DENND1A: variants seen among roughly 807,000 people sequenced by gnomAD.
The protein encoded by DENND1A is DENN domain containing 1A.
A neutral mutation model predicts 113.7 loss-of-function variants in DENND1A; 51 were observed. The observed-to-expected ratio is 0.45, with a 90% CI of 0.36 to 0.57. DENND1A has a LOEUF of 0.57. Among genes scored for constraint, DENND1A ranks in the 20% least tolerant of loss-of-function variants. DENND1A has a pLI of 0.00. For missense variants in DENND1A, 1,258 were observed against 1,395.9 expected (o/e 0.90, Z 1.57); for synonymous variants, 565 against 570.8 (o/e 0.99, Z 0.14).
At chr9:123,824,140 A>G (rs1210092945) in intron 2 of DENND1A, among the ~76,000 whole-genome samples, 1 of 152,224 alleles carries the variant, frequency 6.6e-6, no homozygotes, top group Non-Finnish European at 1.5e-5. Flanking sequence ...CTGAACATCT[A>G]CAATGTGCTA....
intron 2 of DENND1A, among the ~76,000 whole-genome samples, chr9:123,807,494 T>A (rs535108324): frequency 6.6e-6 from 1 of 152,160 alleles, no homozygotes; most frequent in Non-Finnish European, 1.5e-5. Context: ...AATTCTTTCA[T>A]TTAAGTACTT....
At chr9:123,779,157 T>G (rs1830881199) in intron 3 of DENND1A, among the ~76,000 whole-genome samples, 1 of 151,996 alleles carries the variant, frequency 6.6e-6, no homozygotes, top group Admixed American at 6.5e-5. Context: ...ATTTGGGGTT[T>G]GTTTGGCTTA....
intron 1 of DENND1A, among the ~76,000 whole-genome samples, chr9:123,884,897 C>G (rs1473867732): frequency 6.6e-6 from 1 of 152,062 alleles, no homozygotes; most frequent in East Asian, 1.9e-4. Flanking sequence ...AACAGTCTTT[C>G]CAGGCTTTTT....
intron 13 of DENND1A, among the ~76,000 whole-genome samples, chr9:123,485,272 T>C (rs1478428815): frequency 6.6e-6 from 1 of 152,230 alleles, no homozygotes; most frequent in Non-Finnish European, 1.5e-5. Context: ...AGCTCCGCAC[T>C]ATCACTAGGT....
intron 20 of DENND1A, among the ~76,000 whole-genome samples, chr9:123,411,038 C>T (rs1238570966): frequency 6.6e-6 from 1 of 152,062 alleles, no homozygotes; most frequent in African/African-American, 2.4e-5. Flanking sequence ...ACCCCATTCC[C>T]AGGTGGTGGT....
At chr9:123,473,845 A>G (rs1783297575) in intron 13 of DENND1A, among the ~76,000 whole-genome samples, 1 of 152,084 alleles carries the variant, frequency 6.6e-6, no homozygotes, top group African/African-American at 2.4e-5. Context: ...CAGGCCTTGG[A>G]GCAACACTGC....
At chr9:123,867,070 A>G (rs928548657) in intron 2 of DENND1A, among the ~76,000 whole-genome samples, 7 of 152,226 alleles carry the variant, frequency 4.6e-5, no homozygotes, top group Non-Finnish European at 1.0e-4. Flanking sequence ...GCAACTTATT[A>G]AAGTCTTCTG....
chr9:123,733,421 A>C (rs2068327525), intron 5 of DENND1A, among the ~76,000 whole-genome samples: 1 of 152,084 alleles, frequency 6.6e-6, no homozygotes, highest in Non-Finnish European at 1.5e-5. Context: ...TTGGGACTAC[A>C]GGTATGTGCC....
chr9:123,745,609 A>G (rs1181807914), intron 5 of DENND1A, among the ~76,000 whole-genome samples: 3 of 152,258 alleles, frequency 2.0e-5, no homozygotes, highest in Admixed American at 2.0e-4. Flanking sequence ...TACATGTCCT[A>G]TGACACAACT....
intron 4 of DENND1A, among the ~76,000 whole-genome samples, chr9:123,767,180 A>C (rs1259211962): frequency 6.6e-6 from 1 of 152,192 alleles, no homozygotes; most frequent in Non-Finnish European, 1.5e-5. Context: ...TTACAAATGA[A>C]CTTTATTCAT....
chr9:123,393,750 A>G (rs1043192568), intron 21 of DENND1A, among the ~76,000 whole-genome samples: 12 of 152,182 alleles, frequency 7.9e-5, no homozygotes, highest in Admixed American at 2.6e-4. Context: ...TTGCAGGTGA[A>G]TATCTACTTA....
At chr9:123,896,274 T>A (rs1206025754) in intron 1 of DENND1A, among the ~76,000 whole-genome samples, 2 of 151,674 alleles carry the variant, frequency 1.3e-5, no homozygotes, top group African/African-American at 4.8e-5. Context: ...ATACTGCCAC[T>A]GCACTCCACC....
chr9:123,427,430 G>A (rs530804330), intron 19 of DENND1A, among the ~76,000 whole-genome samples: 204 of 152,314 alleles, frequency 1.3e-3, no homozygotes, highest in Non-Finnish European at 2.2e-3. Flanking sequence ...AGAAGCTATC[G>A]CAGGCAACGG....
chr9:123,383,598 CCT>C (rs1261299809), intron 23 of DENND1A, 55 bp downstream of exon 23: 9 of 1,569,362 alleles, frequency 5.7e-6, no homozygotes, highest in Non-Finnish European at 3.5e-6. Flanking sequence ...GGGGATCCCA[CCT>C]CGTGTGCGGA....
intron 8 of DENND1A, among the ~76,000 whole-genome samples, chr9:123,653,402 C>G (rs2062763598): frequency 6.6e-6 from 1 of 152,180 alleles, no homozygotes; most frequent in African/African-American, 2.4e-5. Context: ...GAGAGGTCAG[C>G]AACTGGCAAA....
intron 2 of DENND1A, among the ~76,000 whole-genome samples, chr9:123,813,651 G>C (rs558239479): frequency 6.6e-5 from 10 of 151,978 alleles, no homozygotes; most frequent in African/African-American, 2.4e-4. Flanking sequence ...AAAGATCTGC[G>C]TTCACAATTA....
chr9:123,476,343 G>A (rs559357585), intron 13 of DENND1A, among the ~76,000 whole-genome samples: 1 of 152,296 alleles, frequency 6.6e-6, no homozygotes, highest in Non-Finnish European at 1.5e-5. Flanking sequence ...GGCCCAGCAG[G>A]CTGGGCTGAC....
rs140796596 is a variant in DENND1A, at chr9:123,769,633, C to T, written c.133-70G>A. On this transcript the variant is annotated intron_variant, in intron 3 of 23. Transcript: ENST00000394215. ...TAAATCTAACATTAACCACAGCACA[C>T]AATCTAGCAACTTTACCCTAAAGAA... 178 of 1,351,720 alleles carry T rather than the reference C, an allele frequency of 1.3e-4. No homozygotes were observed. In the African/African-American group the frequency reaches 2.4e-3, roughly 18 times the overall value. The allele number at this position is 1,351,720 out of a possible 1,614,324, so 83.7% of individuals were successfully genotyped here.
intron 5 of DENND1A, among the ~76,000 whole-genome samples, chr9:123,720,671 T>TA (rs2067274015): frequency 6.6e-6 from 1 of 152,250 alleles, no homozygotes; most frequent in African/African-American, 2.4e-5. Flanking sequence ...AACTTTATCA[T>TA]TGCCAACACT....
Sources: allele counts gnomAD v4.1 joint callset (sites outside exome capture counted in the v4.1 genomes callset), GRCh38; gene constraint gnomAD v4.1.1; transcripts MANE v1.5; gene names NCBI Gene and HGNC (gene_info 2026-07-23, HGNC 2026-07-21).